GAS7: variants seen among roughly 807,000 people sequenced by gnomAD.
GAS7 encodes growth arrest specific 7.
GAS7 carries 28 observed loss-of-function variants against 71.1 expected under a neutral mutation model. That is an observed-to-expected ratio of 0.39 (90% CI 0.29 to 0.54). The LOEUF is 0.54. Ranked by LOEUF, GAS7 falls within the 20% of genes least tolerant of loss-of-function variation. The pLI is 0.62. For missense variants in GAS7, 436 were observed against 627.8 expected (o/e 0.69, Z 3.27); for synonymous variants, 258 against 245.8 (o/e 1.05, Z -0.46).
intron 1 of GAS7, among the ~76,000 whole-genome samples, chr17:10,079,708 C>T (rs963946164): frequency 1.3e-5 from 2 of 152,146 alleles, no homozygotes; most frequent in Admixed American, 6.5e-5. Context: ...AAAAACTAAG[C>T]GGCGCCCTGA....
Position 9,969,813 on chromosome 17 carries a change from C to G in GAS7, c.386-51G>C, listed in dbSNP as rs766959806. The G allele has an allele frequency of 4.8e-6, 6 of 1,237,358 alleles. No individual in the cohort carries two copies. The highest frequency in any genetic ancestry group is 3.0e-5 in the African/African-American group (2 of 67,786). 76.6% of individuals were successfully genotyped at this position (1,237,358 alleles called of 1,614,324 possible). ...ATGCTGTGTGGGCCACAGATGGGCA[C>G]CCCCGCCTTTCGTCCACTGCAGCCC... On this transcript the variant is annotated intron_variant, in intron 3 of 13. Coordinates refer to ENST00000432992, the MANE Select transcript of GAS7 (RefSeq NM_201433.2). The surrounding 1 kb of genome is among the most constrained non-coding windows in gnomAD (Gnocchi z 5.5).
chr17:9,912,084 T>A lies in GAS7; in HGVS notation c.*5144A>T, dbSNP rs1040711880. On this transcript the variant is annotated 3_prime_UTR_variant, in exon 14 of 14. Transcript: ENST00000432992. ...GGGGAGTAGACTCCAGAACATACTA[T>A]CAAAGATCGACGAATGAGATCCAAA... 8.6e-6 allele frequency: 2 copies of A among 232,078 alleles called. No individual in the cohort carries two copies. The highest frequency in any genetic ancestry group is 4.4e-5 in the African/African-American group (2 of 45,260). The allele number at this position is 232,078 out of a possible 1,614,324, so 14.4% of individuals were successfully genotyped here.
chr17:10,107,216 C>G (rs999530125), intron 1 of GAS7, among the ~76,000 whole-genome samples: 1 of 152,222 alleles, frequency 6.6e-6, no homozygotes, highest in Admixed American at 6.5e-5. Flanking sequence ...GCATTCGTTA[C>G]AGCAGCAATG....
chr17:9,911,424 C>T lies in GAS7; in HGVS notation c.*5804G>A, dbSNP rs533126138. On this transcript the variant is annotated 3_prime_UTR_variant, in exon 14 of 14. Transcript: ENST00000432992. The surrounding 1 kb of genome is among the most constrained non-coding windows in gnomAD (Gnocchi z 4.0). Reference sequence around the variant, plus strand: ...TCCACTGCAATCCCACTAAAGTTTCCCTCAAACACCAAGGAACAGTCCTGA... The same window carrying T: ...TCCACTGCAATCCCACTAAAGTTTCTCTCAAACACCAAGGAACAGTCCTGA... 73 of 233,382 alleles carry T rather than the reference C, an allele frequency of 3.1e-4. 2 individuals carry two copies. In the South Asian group the frequency reaches 0.013, roughly 40 times the overall value. The allele number at this position is 233,382 out of a possible 1,614,324, so 14.5% of individuals were successfully genotyped here. A position where few individuals can be genotyped will look rare whatever the true frequency, so the allele number is the denominator to read the frequency against.
intron 3 of GAS7, among the ~76,000 whole-genome samples, chr17:9,977,912 A>T (rs77147109): frequency 0.065 from 9,842 of 152,294 alleles, 428 homozygotes; most frequent in Middle Eastern, 0.12. Context: ...TAACAAAGCT[A>T]CAACACAAAA....
rs780525609 is a variant in GAS7 at position 10,088,256 on chromosome 17, T to TAATAATAAA, written c.184-68360_184-68359insTTTATTATT. On this transcript the variant is annotated intron_variant, in intron 1 of 13. Transcript: ENST00000432992. ...ATAATAATAATAATAATAATAATAA[T>TAATAATAAA]AAATATGTATATATGCATAAGGAGT... Among the ~76,000 whole-genome samples, 1,122 of 144,540 alleles carry TAATAATAAA rather than the reference T, an allele frequency of 7.8e-3. 11 individuals carry two copies. Among genetic ancestry groups the TAATAATAAA allele is most frequent in the African/African-American group, 0.027 (1,049 of 38,970 alleles). 94.8% of individuals were successfully genotyped at this position (144,540 alleles called of 152,430 possible).
Position 9,926,697 on chromosome 17 carries a change from G to A in GAS7, c.958C>T (p.His320Tyr). The change falls in exon 10 of 14, where the codon CAC (histidine) becomes TAC (tyrosine). Residue 320 changes from histidine (H) to tyrosine (Y), a missense_variant. Coordinates refer to ENST00000432992, the MANE Select transcript of GAS7 (RefSeq NM_201433.2). This position sits in a 1 kb window ranked among gnomAD's most constrained non-coding sequence, Gnocchi z 5.0. ...TGCTTGCGAAGGTCGGCAATGTGGT[G>A]GTCGCACTTCTTCATGTCTTTCTTG... ...NFKKDMKKCD[H>Y]HIADLRKQLA... is the part of the protein sequence containing the mutation. 6.2e-6 allele frequency: 10 copies of A among 1,613,962 alleles called. No individual in the cohort carries two copies. The highest frequency in any genetic ancestry group is 8.5e-6 in the Non-Finnish European group (10 of 1,179,950).
intron 5 of GAS7, among the ~76,000 whole-genome samples, chr17:9,947,456 G>T (rs1353102443): frequency 1.3e-5 from 2 of 152,144 alleles, no homozygotes; most frequent in Non-Finnish European, 2.9e-5. Flanking sequence ...AATTTAATTA[G>T]GAAAGCGGCC....
intron 2 of GAS7, among the ~76,000 whole-genome samples, chr17:10,015,815 C>G (rs534646082): frequency 2.0e-5 from 3 of 152,226 alleles, no homozygotes; most frequent in Admixed American, 2.0e-4. Flanking sequence ...CCTTACCCTT[C>G]CCATCCTGCA....
chr17:10,000,866 T>C (rs556000208), intron 2 of GAS7, among the ~76,000 whole-genome samples: 1 of 152,240 alleles, frequency 6.6e-6, no homozygotes, highest in African/African-American at 2.4e-5. Flanking sequence ...CACATACCAT[T>C]TGTATATACC....
At chr17:9,976,697 C>G (rs1359530333) in intron 3 of GAS7, among the ~76,000 whole-genome samples, 1 of 152,214 alleles carries the variant, frequency 6.6e-6, no homozygotes, top group African/African-American at 2.4e-5. Context: ...TAAGGATGAT[C>G]CCTCAGTGGG....
intron 1 of GAS7, among the ~76,000 whole-genome samples, chr17:10,191,590 G>A (rs971940655): frequency 6.9e-6 from 1 of 145,384 alleles, no homozygotes; most frequent in Non-Finnish European, 1.5e-5. Context: ...AAGGAGAGGA[G>A]AGAGGGCTGG....
At chr17:10,166,651 A>G (rs535467547) in intron 1 of GAS7, among the ~76,000 whole-genome samples, 1 of 152,282 alleles carries the variant, frequency 6.6e-6, no homozygotes, top group South Asian at 2.1e-4. Flanking sequence ...ACAAATTTGG[A>G]ATTTTGTTAT....
At chr17:10,138,786 A>G (rs937997138) in intron 1 of GAS7, among the ~76,000 whole-genome samples, 1 of 152,080 alleles carries the variant, frequency 6.6e-6, no homozygotes, top group African/African-American at 2.4e-5. Context: ...CAAAAACAAA[A>G]CAAAACAAAA....
At chr17:10,160,670 T>A (rs568639967) in intron 1 of GAS7, among the ~76,000 whole-genome samples, 1 of 152,314 alleles carries the variant, frequency 6.6e-6, no homozygotes, top group African/African-American at 2.4e-5. Flanking sequence ...CATTTTCCTC[T>A]AACTATAATA....
intron 1 of GAS7, among the ~76,000 whole-genome samples, chr17:10,100,423 G>A (rs1461328325): frequency 6.6e-6 from 1 of 152,164 alleles, no homozygotes; most frequent in Non-Finnish European, 1.5e-5. Context: ...TATTCCTTCA[G>A]GTCTCTACAA....
chr17:9,985,436 T>C (rs140011963), intron 2 of GAS7, among the ~76,000 whole-genome samples: 34 of 152,292 alleles, frequency 2.2e-4, no homozygotes, highest in African/African-American at 8.2e-4. Flanking sequence ...AATACGCCTT[T>C]CCCGTATTGT....
At chr17:10,168,110 T>C (rs545787884) in intron 1 of GAS7, among the ~76,000 whole-genome samples, 4 of 152,316 alleles carry the variant, frequency 2.6e-5, no homozygotes, top group Admixed American at 6.5e-5. Flanking sequence ...TTTGCCATGG[T>C]ACTTTTAATA....
intron 2 of GAS7, among the ~76,000 whole-genome samples, chr17:9,999,234 A>G (rs2071165144): frequency 6.6e-6 from 1 of 152,122 alleles, no homozygotes; most frequent in African/African-American, 2.4e-5. Context: ...AATTATGCTA[A>G]AGGCCAGGTA....
Sources: gnomAD v4.1 joint callset for allele counts (sites outside exome capture counted in the v4.1 genomes callset) on GRCh38, gnomAD v4.1.1 for gene constraint, Gnocchi (gnomAD v3.1) non-coding constraint, MANE v1.5 for transcripts, NCBI Gene and HGNC (gene_info 2026-07-23, HGNC 2026-07-21) for gene names.